The following OSBPL10 variants were observed in gnomAD, a reference collection of about 807,000 sequenced individuals.
OSBPL10 encodes the protein oxysterol-binding protein-related protein 10.
A neutral mutation model predicts 81.7 loss-of-function variants in OSBPL10; 49 were observed. The ratio of observed to expected loss-of-function variants is 0.60; its 90% CI spans 0.48 to 0.76. The LOEUF is 0.76. Ranked by LOEUF, OSBPL10 falls within the 30% of genes least tolerant of loss-of-function variation. The probability of loss-of-function intolerance (pLI) is 0.00; values close to 1 mark genes in which losing one functional copy is unlikely to be tolerated. For missense variants in OSBPL10, 923 were observed against 987.8 expected (o/e 0.93, Z 0.88); for synonymous variants, 419 against 383.6 (o/e 1.09, Z -1.08).
intron 1 of OSBPL10, among the ~76,000 whole-genome samples, chr3:31,912,998 G>C (rs1204174224): frequency 6.6e-6 from 1 of 152,114 alleles, no homozygotes; most frequent in Non-Finnish European, 1.5e-5. Context: ...ATTTGTGTTT[G>C]TACATACACA....
intron 4 of OSBPL10, among the ~76,000 whole-genome samples, chr3:31,816,898 G>A (rs1699848743): frequency 6.6e-6 from 1 of 152,076 alleles, no homozygotes; most frequent in Non-Finnish European, 1.5e-5. Flanking sequence ...TCAGCAGAGA[G>A]AATAGCTCCT....
intron 2 of OSBPL10, among the ~76,000 whole-genome samples, chr3:32,038,769 C>G (rs1384315348): frequency 6.6e-6 from 1 of 152,170 alleles, no homozygotes; most frequent in Non-Finnish European, 1.5e-5. Flanking sequence ...GTTTGCACAA[C>G]TCAGTATGTT....
At chr3:31,984,170 G>C (rs1698901453), upstream of OSBPL10, among the ~76,000 whole-genome samples, 1 of 152,078 alleles carries the variant, frequency 6.6e-6, no homozygotes, top group Non-Finnish European at 1.5e-5. Flanking sequence ...TTCCCCAGTA[G>C]CTGGGACTAC....
intron 2 of OSBPL10, among the ~76,000 whole-genome samples, chr3:31,992,490 T>G (rs1225458982): frequency 6.6e-6 from 1 of 152,204 alleles, no homozygotes; most frequent in Non-Finnish European, 1.5e-5. Context: ...ACTTGCCTTT[T>G]CCAGCATCTA....
intron 4 of OSBPL10, among the ~76,000 whole-genome samples, chr3:31,802,724 G>A (rs536617662): frequency 5.9e-5 from 9 of 151,932 alleles, no homozygotes; most frequent in East Asian, 3.9e-4. Context: ...GTGACCAAGC[G>A]GCCAAGTTCC....
At chr3:31,891,728 T>C (rs1282155750) in intron 1 of OSBPL10, among the ~76,000 whole-genome samples, 1 of 152,158 alleles carries the variant, frequency 6.6e-6, no homozygotes, top group Admixed American at 6.5e-5. Flanking sequence ...GGGCTCACAC[T>C]CAGCTGTCAG....
intron 4 of OSBPL10, among the ~76,000 whole-genome samples, chr3:31,788,794 T>A (rs1462155618): frequency 4.0e-5 from 6 of 151,770 alleles, no homozygotes; most frequent in Admixed American, 1.3e-4. Flanking sequence ...AAAATAATAA[T>A]AAAAATAAAT....
At chr3:31,848,201 C>T (rs1700679743) in intron 3 of OSBPL10, among the ~76,000 whole-genome samples, 1 of 151,978 alleles carries the variant, frequency 6.6e-6, no homozygotes, top group Admixed American at 6.6e-5. Context: ...TCTATATACT[C>T]CGGCACAACC....
chr3:31,963,224 C>G (rs531071769), intron 1 of OSBPL10, among the ~76,000 whole-genome samples: 1 of 151,884 alleles, frequency 6.6e-6, no homozygotes, highest in Non-Finnish European at 1.5e-5. Context: ...TCCTTCCTTT[C>G]CTCCCCTCCA....
chr3:31,910,677 G>C (rs1696550125), intron 1 of OSBPL10, among the ~76,000 whole-genome samples: 1 of 151,848 alleles, frequency 6.6e-6, no homozygotes, highest in African/African-American at 2.4e-5. Context: ...TCAGAGTCTG[G>C]GAAGCCAGAG....
intron 1 of OSBPL10, among the ~76,000 whole-genome samples, 175 bp from the exon 2 acceptor site, chr3:31,880,005 T>G (rs1695511873): frequency 6.6e-6 from 1 of 152,174 alleles, no homozygotes; most frequent in Non-Finnish European, 1.5e-5. Context: ...GAGAGAGCAC[T>G]GGATTCTTAA....
chr3:31,930,754 C>T (rs1697216194), intron 1 of OSBPL10, among the ~76,000 whole-genome samples: 1 of 152,100 alleles, frequency 6.6e-6, no homozygotes, highest in Non-Finnish European at 1.5e-5. Flanking sequence ...GTGGCTCACA[C>T]CTATAATCCC....
chr3:31,891,186 C>T (rs747859214), intron 1 of OSBPL10, among the ~76,000 whole-genome samples: 6 of 152,282 alleles, frequency 3.9e-5, no homozygotes, highest in Admixed American at 2.6e-4. Context: ...TAGTGTGATT[C>T]GGCAGTCAGA....
At chr3:32,071,472 T>C (rs932521879) in intron 1 of OSBPL10, among the ~76,000 whole-genome samples, 4 of 152,330 alleles carry the variant, frequency 2.6e-5, no homozygotes, top group African/African-American at 7.2e-5. Flanking sequence ...ACCCTTTTCA[T>C]TACACACAGC....
At chr3:31,868,702 T>C (rs75059848) in intron 3 of OSBPL10, among the ~76,000 whole-genome samples, 1 of 152,112 alleles carries the variant, frequency 6.6e-6, no homozygotes, top group Non-Finnish European at 1.5e-5. Flanking sequence ...ACCCTTAAAA[T>C]TTTTCTCAGT....
upstream of OSBPL10, among the ~76,000 whole-genome samples, chr3:31,984,388 A>G (rs1159257461): frequency 1.3e-5 from 2 of 151,498 alleles, no homozygotes; most frequent in Non-Finnish European, 1.5e-5. Context: ...GCAGAGGGCT[A>G]AGGATGGGGA....
chr3:31,741,502 A>G (rs541010393), intron 5 of OSBPL10, among the ~76,000 whole-genome samples: 18 of 152,302 alleles, frequency 1.2e-4, no homozygotes, highest in African/African-American at 4.1e-4. Flanking sequence ...TGACCTCGTG[A>G]TCCATCCACC....
chr3:31,982,985 C>G (rs1698880392), upstream of OSBPL10, among the ~76,000 whole-genome samples: 1 of 152,224 alleles, frequency 6.6e-6, no homozygotes, highest in Non-Finnish European at 1.5e-5. Context: ...CCATCTTTCT[C>G]TTTTCCTTAT....
chr3:31,735,949 T>C (rs545130479), intron 5 of OSBPL10, among the ~76,000 whole-genome samples: 4 of 152,276 alleles, frequency 2.6e-5, no homozygotes, highest in Non-Finnish European at 4.4e-5. Context: ...CCCAGAACCA[T>C]GAACATGATT....
Sources: allele counts gnomAD v4.1 joint callset (sites outside exome capture counted in the v4.1 genomes callset), GRCh38; gene constraint gnomAD v4.1.1; transcripts MANE v1.5; gene names NCBI Gene and HGNC (gene_info 2026-07-23, HGNC 2026-07-21).